COBL: variants seen among roughly 807,000 people sequenced by gnomAD.
The protein encoded by COBL is cordon-bleu WH2 repeat protein, also known as protein cordon-bleu.
A neutral mutation model predicts 98.8 loss-of-function variants in COBL; 51 were observed. The observed-to-expected ratio is 0.52, with a 90% CI of 0.41 to 0.65. The LOEUF (loss-of-function observed/expected upper bound fraction) is 0.65. Ranked by LOEUF, COBL falls within the 30% of genes least tolerant of loss-of-function variation. The pLI is 0.00. For synonymous variants in COBL, 634 were observed against 651.7 expected (o/e 0.97, Z 0.41); for missense variants, 1,617 against 1,617.5 (o/e 1.00, Z 0.01).
At position 51,043,683 on chromosome 7, in the gene COBL, G is replaced by A; in HGVS notation, c.1106C>T (p.Pro369Leu). ...ENRKSTMVSL[P>L]LGSGSHCSPD... ...GCTGCAGTGGCTGCCAGACCCCAGG[G>A]GCAGGCTTACTGGACAAGACACGGC... The change falls in exon 8 of 13, where the codon CCC becomes CTC. Residue 369 changes from proline (P) to leucine (L), a missense_variant. Physicochemically the swap from Pro to Leu is moderately conservative, Grantham distance 98. Transcript: ENST00000265136. The A allele has an allele frequency of 1.2e-6, 2 of 1,613,220 alleles. No homozygotes were observed. The highest frequency in any genetic ancestry group is 1.7e-6 in the Non-Finnish European group (2 of 1,179,852).
At chr7:51,091,486 T>C (rs1287513015) in intron 6 of COBL, among the ~76,000 whole-genome samples, 1 of 150,924 alleles carries the variant, frequency 6.6e-6, no homozygotes, top group African/African-American at 2.4e-5. Context: ...AGTAAAGGAA[T>C]AAAAAAAAAT....
chr7:51,100,927 C>CA (rs1047937988), intron 6 of COBL, among the ~76,000 whole-genome samples: 5 of 151,168 alleles, frequency 3.3e-5, no homozygotes, highest in African/African-American at 1.2e-4. Flanking sequence ...AAAAAAACAA[C>CA]AACAAAAAAA....
intron 7 of COBL, among the ~76,000 whole-genome samples, chr7:51,083,998 G>C (rs1460295630): frequency 2.0e-5 from 3 of 152,154 alleles, no homozygotes; most frequent in Admixed American, 2.0e-4. Context: ...AGGGAGAATG[G>C]GGGGCTCTTC....
chr7:51,054,235 G>C lies in COBL; in HGVS notation c.1097-10543C>G, dbSNP rs192983040. On this transcript the variant is annotated intron_variant, in intron 7 of 12. Coordinates refer to ENST00000265136, the MANE Select transcript of COBL (RefSeq NM_015198.5). ...AGAACACATAAAAAGGAAACTTTTC[G>C]CTTTTTTTTTCTTTTCACATAAATT... 3.3e-3 allele frequency among the ~76,000 whole-genome samples: 499 copies of C among 152,212 alleles called. 13 individuals are homozygous for C. In the South Asian group the frequency reaches 0.043, roughly 13 times the overall value.
At chr7:51,224,605 G>T (rs1231747727) in intron 1 of COBL, among the ~76,000 whole-genome samples, 6 of 152,118 alleles carry the variant, frequency 3.9e-5, no homozygotes, top group African/African-American at 9.7e-5. Context: ...CACAGGAGAA[G>T]ACGCTAAAAC....
intron 5 of COBL, among the ~76,000 whole-genome samples, chr7:51,171,082 A>G (rs1364012985): frequency 6.6e-6 from 1 of 152,124 alleles, no homozygotes; most frequent in Non-Finnish European, 1.5e-5. Flanking sequence ...AGAAAATTTT[A>G]AAGAGCCATT....
chr7:51,267,308 G>A (rs1281926316), intron 1 of COBL, among the ~76,000 whole-genome samples: 1 of 152,152 alleles, frequency 6.6e-6, no homozygotes, highest in Non-Finnish European at 1.5e-5. Flanking sequence ...GGCCTGAGGA[G>A]TGTCAGGCCT....
intron 1 of COBL, among the ~76,000 whole-genome samples, chr7:51,304,809 C>G (rs1005679798): frequency 4.6e-5 from 7 of 152,220 alleles, no homozygotes; most frequent in Non-Finnish European, 8.8e-5. Flanking sequence ...CTCTAATCAT[C>G]TCATAAAACC....
intron 2 of COBL, among the ~76,000 whole-genome samples, chr7:51,204,259 C>T (rs922326434): frequency 2.0e-5 from 3 of 152,158 alleles, no homozygotes; most frequent in Non-Finnish European, 2.9e-5. Context: ...AAGCTCACAG[C>T]TAACATTATA....
At chr7:51,120,292 T>G (rs959211133) in intron 6 of COBL, among the ~76,000 whole-genome samples, 1 of 152,044 alleles carries the variant, frequency 6.6e-6, no homozygotes, top group Non-Finnish European at 1.5e-5. Context: ...CAAATAAATT[T>G]ACCCACTAAA....
intron 6 of COBL, among the ~76,000 whole-genome samples, chr7:51,135,950 T>G (rs912305769): frequency 6.6e-6 from 1 of 152,190 alleles, no homozygotes; most frequent in Non-Finnish European, 1.5e-5. Context: ...CCTGACTGCC[T>G]TGGGGAACTC....
At chr7:51,054,870 C>T (rs997432256) in intron 7 of COBL, among the ~76,000 whole-genome samples, 1 of 152,186 alleles carries the variant, frequency 6.6e-6, no homozygotes, top group African/African-American at 2.4e-5. Flanking sequence ...TATAAGAAAA[C>T]GGAACTTGCT....
chr7:51,171,415 AC>A (rs1787864408), intron 5 of COBL, among the ~76,000 whole-genome samples: 1 of 152,182 alleles, frequency 6.6e-6, no homozygotes, highest in Non-Finnish European at 1.5e-5. Context: ...CTATAAGAGA[AC>A]TTTTATCCTT....
rs1012240384 is a variant in COBL, at chr7:51,156,314, G to C, written c.784-19983C>G. 6 of 985,128 alleles carry C rather than the reference G, an allele frequency of 6.1e-6. No homozygotes were observed. The African/African-American group carries it at 8.7e-5, about 14-fold the overall frequency. The allele number at this position is 985,128 out of a possible 1,614,324, so 61.0% of individuals were successfully genotyped here. A position where few individuals can be genotyped will look rare whatever the true frequency, so the allele number is the denominator to read the frequency against. On this transcript the variant is annotated intron_variant, in intron 5 of 12. Coordinates refer to ENST00000265136, the MANE Select transcript of COBL (RefSeq NM_015198.5). The stretch of plus-strand genomic sequence containing the variant: ...TTTATCTCCCCATGATGTCCAGACA[G>C]TAGTTATTCTTGTCCAAGTTTATCA...
chr7:51,250,474 T>G (rs1309962193), intron 1 of COBL, among the ~76,000 whole-genome samples: 2 of 152,206 alleles, frequency 1.3e-5, no homozygotes, highest in Non-Finnish European at 2.9e-5. Flanking sequence ...AAGGCTATCT[T>G]TATTTTTAAA....
intron 6 of COBL, among the ~76,000 whole-genome samples, chr7:51,118,858 C>T (rs1009184990): frequency 6.6e-6 from 1 of 152,148 alleles, no homozygotes; most frequent in Non-Finnish European, 1.5e-5. Context: ...CAGGCTGGAC[C>T]CAGCCACAGA....
At chr7:51,033,965 C>G (rs1187244914) in intron 8 of COBL, 1 of 152,436 alleles carries the variant, frequency 6.6e-6, no homozygotes. Flanking sequence ...AGGAGCCCAG[C>G]TCCAGGCGCT....
intron 2 of COBL, among the ~76,000 whole-genome samples, chr7:51,213,389 T>C (rs541999348): frequency 6.6e-6 from 1 of 152,318 alleles, no homozygotes; most frequent in African/African-American, 2.4e-5. Context: ...ACTGCGTATG[T>C]GCTCCTTATG....
At chr7:51,115,540 G>C (rs1461188672) in intron 6 of COBL, among the ~76,000 whole-genome samples, 1 of 151,996 alleles carries the variant, frequency 6.6e-6, no homozygotes, top group African/African-American at 2.4e-5. Flanking sequence ...TTACTTAAAA[G>C]TATGTTGTTT....
Sources: gnomAD v4.1 joint callset for allele counts (sites outside exome capture counted in the v4.1 genomes callset) on GRCh38, gnomAD v4.1.1 for gene constraint, MANE v1.5 for transcripts, NCBI Gene and HGNC (gene_info 2026-07-23, HGNC 2026-07-21) for gene names.